STK39: variants seen among roughly 807,000 people sequenced by gnomAD.
The protein encoded by STK39 is STE20/SPS1-related proline-alanine-rich protein kinase.
STK39 carries 20 observed loss-of-function variants against 77.8 expected under a neutral mutation model. The observed-to-expected ratio is 0.26, with a 90% CI of 0.18 to 0.37. The LOEUF (loss-of-function observed/expected upper bound fraction) is 0.37. STK39 is among the 10% of genes least tolerant of loss of function. The pLI, the probability that STK39 is intolerant of heterozygous loss-of-function variation, is 1.00. For synonymous variants in STK39, 246 were observed against 234.1 expected (o/e 1.05, Z -0.47); for missense variants, 479 against 656.5 (o/e 0.73, Z 2.95).
At chr2:168,087,354 C>T (rs1427020204) in intron 10 of STK39, among the ~76,000 whole-genome samples, 3 of 152,210 alleles carry the variant, frequency 2.0e-5, no homozygotes, top group African/African-American at 7.2e-5. Context: ...GTCAGGTTGA[C>T]TGTGCTAGTG....
intron 1 of STK39, among the ~76,000 whole-genome samples, chr2:168,186,204 A>G (rs2063961): frequency 0.41 from 62,530 of 151,962 alleles, 15,029 homozygotes; most frequent in East Asian, 0.69. Flanking sequence ...AGGACACAGC[A>G]AGAAGGTGCC....
chr2:167,978,214 A>G (rs1054498734), intron 16 of STK39, among the ~76,000 whole-genome samples: 1 of 152,200 alleles, frequency 6.6e-6, no homozygotes, highest in Non-Finnish European at 1.5e-5. Flanking sequence ...CCCCTAAACC[A>G]TAATTTCTAA....
intron 14 of STK39, among the ~76,000 whole-genome samples, chr2:168,017,575 T>C (rs1261531265): frequency 6.6e-6 from 1 of 151,932 alleles, no homozygotes; most frequent in Non-Finnish European, 1.5e-5. Context: ...TTTCTCCATG[T>C]TGGTGAGGCT....
intron 16 of STK39, among the ~76,000 whole-genome samples, chr2:168,011,160 C>T (rs1402224351): frequency 2.0e-5 from 3 of 151,924 alleles, no homozygotes; most frequent in African/African-American, 4.8e-5. Context: ...TAGCCAGGCA[C>T]GGTGGCATGC....
At chr2:168,056,147 TA>T (rs1685519954) in intron 14 of STK39, among the ~76,000 whole-genome samples, 1 of 152,188 alleles carries the variant, frequency 6.6e-6, no homozygotes, top group Admixed American at 6.5e-5. Flanking sequence ...AGCAACACTA[TA>T]TTTTTTTCAA....
At chr2:167,977,867 C>T (rs759327847) in intron 16 of STK39, among the ~76,000 whole-genome samples, 1 of 152,022 alleles carries the variant, frequency 6.6e-6, no homozygotes, top group Non-Finnish European at 1.5e-5. Context: ...GTGTGGGAGA[C>T]GGGAGTTTTA....
chr2:168,181,864 C>T, intron 2 of STK39, 114 bp downstream of exon 2: 2 of 835,408 alleles, frequency 2.4e-6, no homozygotes, highest in Non-Finnish European at 3.9e-6. Context: ...GGCTGCTTTC[C>T]AAGAAATGCA....
Position 167,956,564 on chromosome 2 carries a change from G to GAAA in STK39, c.1564-997_1564-995dup, listed in dbSNP as rs60443441. 4.7e-5 allele frequency among the ~76,000 whole-genome samples: 6 copies of GAAA among 126,516 alleles called. 1 individual carries two copies. Among genetic ancestry groups the GAAA allele is most frequent in the African/African-American group, 1.8e-4 (6 of 34,284 alleles). The allele number at this position is 126,516 out of a possible 152,430, so 83.0% of individuals were successfully genotyped here. A position where few individuals can be genotyped will look rare whatever the true frequency, so the allele number is the denominator to read the frequency against. ...GGCGACAGAGCGAGACTCCACCTCAGAAAAAAAAAAAAAAGGAAGCCATTT... is the reference window on the plus strand; with the variant it reads ...GGCGACAGAGCGAGACTCCACCTCAGAAAAAAAAAAAAAAAAAGGAAGCCATTT... On this transcript the variant is annotated intron_variant, in intron 17 of 17. Coordinates refer to ENST00000355999, the MANE Select transcript of STK39 (RefSeq NM_013233.3).
chr2:168,007,370 T>C (rs1420150730), intron 16 of STK39, among the ~76,000 whole-genome samples: 1 of 152,210 alleles, frequency 6.6e-6, no homozygotes, highest in Admixed American at 6.5e-5. Context: ...AAAATGGGAT[T>C]TGTTTATCTC....
At chr2:168,185,605 G>T (rs1019265614) in intron 1 of STK39, among the ~76,000 whole-genome samples, 4 of 152,096 alleles carry the variant, frequency 2.6e-5, no homozygotes, top group African/African-American at 9.7e-5. Flanking sequence ...ATATTTCATG[G>T]AAATATAATT....
chr2:167,987,503 T>C lies in STK39; in HGVS notation c.1499-22777A>G, dbSNP rs566912495. Among the ~76,000 whole-genome samples, 4 of 151,502 alleles carry C rather than the reference T, an allele frequency of 2.6e-5. No homozygotes were observed. In the South Asian group the frequency reaches 8.3e-4, roughly 31 times the overall value. ...CTGGGACAAAAATATATATATATAA[T>C]ACTTCTCTTTCTCACTGATGTATTC... On this transcript the variant is annotated intron_variant, in intron 16 of 17. Coordinates refer to ENST00000355999, the MANE Select transcript of STK39 (RefSeq NM_013233.3).
At chr2:168,204,116 G>A (rs770152399) in intron 1 of STK39, among the ~76,000 whole-genome samples, 2 of 152,244 alleles carry the variant, frequency 1.3e-5, no homozygotes, top group Non-Finnish European at 2.9e-5. Context: ...TGGCAAAGTA[G>A]AACAACTACA....
intron 1 of STK39, among the ~76,000 whole-genome samples, chr2:168,185,148 T>C (rs1398267528): frequency 1.3e-5 from 2 of 152,232 alleles, no homozygotes; most frequent in Non-Finnish European, 2.9e-5. Flanking sequence ...GACACATGAC[T>C]CATTAACATT....
chr2:168,233,885 C>G (rs1574579904), intron 1 of STK39, among the ~76,000 whole-genome samples: 1 of 152,110 alleles, frequency 6.6e-6, no homozygotes, highest in African/African-American at 2.4e-5. Flanking sequence ...TTCATTTGGA[C>G]AGAATCTGTG....
chr2:168,003,258 G>A (rs1574383049), intron 16 of STK39, among the ~76,000 whole-genome samples: 1 of 152,300 alleles, frequency 6.6e-6, no homozygotes, highest in East Asian at 1.9e-4. Flanking sequence ...TTACAGGCTT[G>A]AGCCACCACG....
At chr2:168,215,801 G>T (rs187696860) in intron 1 of STK39, among the ~76,000 whole-genome samples, 2 of 152,084 alleles carry the variant, frequency 1.3e-5, no homozygotes, top group Admixed American at 1.3e-4. Flanking sequence ...CTGTATTTTA[G>T]AAAACCTAAA....
At position 168,107,480 on chromosome 2, in the gene STK39, TTC is replaced by T. The variant is rs542501114; in HGVS notation, c.1089+22059_1089+22060del. On this transcript the variant is annotated intron_variant, in intron 10 of 17. Transcript: ENST00000355999. ...ATATTTAGTGCATGACAAGCACCAT[TTC>T]TGTTTGCCATCCTCTGTAAAGCACT... 2.7e-3 allele frequency among the ~76,000 whole-genome samples: 416 copies of T among 152,332 alleles called. 2 individuals are homozygous for T. Among genetic ancestry groups the T allele is most frequent in the African/African-American group, 9.3e-3 (386 of 41,574 alleles).
At chr2:167,963,021 A>C (rs568250515) in intron 17 of STK39, among the ~76,000 whole-genome samples, 32 of 152,280 alleles carry the variant, frequency 2.1e-4, no homozygotes, top group Admixed American at 1.8e-3. Context: ...TGCGGTTTAC[A>C]ATAGGGCAGT....
intron 17 of STK39, 110 bp downstream of exon 17, chr2:167,964,552 G>T: frequency 9.4e-7 from 1 of 1,066,946 alleles, no homozygotes; most frequent in Non-Finnish European, 1.4e-6. Flanking sequence ...GATTCTAAAA[G>T]AAAACAACAA....
Sources: allele counts gnomAD v4.1 joint callset (sites outside exome capture counted in the v4.1 genomes callset), GRCh38; gene constraint gnomAD v4.1.1; transcripts MANE v1.5; gene names NCBI Gene and HGNC (gene_info 2026-07-23, HGNC 2026-07-21).